The following TRIO variants were observed in gnomAD, a reference collection of about 807,000 sequenced individuals.
TRIO encodes trio Rho guanine nucleotide exchange factor.
In TRIO, 58 loss-of-function variants were observed where a neutral mutation model predicts 351.9. The observed-to-expected ratio is 0.16, with a 90% CI of 0.13 to 0.21. TRIO has a LOEUF of 0.21. Among genes scored for constraint, TRIO ranks in the 10% least tolerant of loss-of-function variants. The pLI, the probability that TRIO is intolerant of heterozygous loss-of-function variation, is 1.00. For missense variants in TRIO, 3,201 were observed against 4,027.8 expected (o/e 0.79, Z 5.56); for synonymous variants, 1,758 against 1,595.7 (o/e 1.10, Z -2.42).
chr5:14,288,632 A>C (rs942391302), intron 4 of TRIO, among the ~76,000 whole-genome samples: 4 of 151,020 alleles, frequency 2.6e-5, no homozygotes, highest in Non-Finnish European at 4.4e-5. Flanking sequence ...GTGCCGCTGC[A>C]CTCCAGCCTG....
chr5:14,240,271 G>A (rs1794048583), intron 1 of TRIO, among the ~76,000 whole-genome samples: 1 of 152,082 alleles, frequency 6.6e-6, no homozygotes, highest in South Asian at 2.1e-4. Context: ...TTCTAAAAAT[G>A]GAGTCAGTTA....
chr5:14,205,084 A>G lies in TRIO; in HGVS notation c.157+61202A>G, dbSNP rs1051898692. 2.6e-5 allele frequency among the ~76,000 whole-genome samples: 4 copies of G among 152,330 alleles called. 1 individual carries two copies. Among genetic ancestry groups the G allele is most frequent in the South Asian group, 4.1e-4 (2 of 4,822 alleles). On this transcript the variant is annotated intron_variant, in intron 1 of 56. Coordinates refer to ENST00000344204, the MANE Select transcript of TRIO (RefSeq NM_007118.4). Reference sequence around the variant, plus strand: ...GGCCAACATTTGTGGTGCAAAGGGAAGTGCCCACGGATTCAGGAGGGCACA... The same window carrying G: ...GGCCAACATTTGTGGTGCAAAGGGAGGTGCCCACGGATTCAGGAGGGCACA...
intron 34 of TRIO, among the ~76,000 whole-genome samples, chr5:14,429,082 C>G (rs1244394291): frequency 6.6e-6 from 1 of 152,162 alleles, no homozygotes; most frequent in Non-Finnish European, 1.5e-5. Flanking sequence ...TGAAAAATTA[C>G]AGAGAGATGA....
In TRIO at chr5:14,507,197, G is replaced by C; in HGVS notation, c.8688G>C (p.Leu2896=). 1.2e-6 allele frequency: 2 copies of C among 1,612,110 alleles called. No individual in the cohort carries two copies. The highest frequency in any genetic ancestry group is 2.2e-5 in the East Asian group (1 of 44,860). ...SLTEGKIRAH[L]GEVLEAVRYL... ...CTGAAGGGAAGATCAGGGCGCACCT[G>C]GGGGAGGTTCTGGAAGCTGTCCGGT... Residue 2896 remains leucine, a synonymous_variant, in exon 56 of 57, where the codon CTG becomes CTC. Transcript: ENST00000344204.
Position 14,297,270 on chromosome 5 carries a change from G to A in TRIO, c.1368+7G>A, listed in dbSNP as rs370815653. On this transcript the variant is annotated splice_region_variant and intron_variant, in intron 7 of 56. Coordinates refer to ENST00000344204, the MANE Select transcript of TRIO (RefSeq NM_007118.4). The stretch of plus-strand genomic sequence containing the variant: ...CCACCAGAAGGCCGAAAAGGTCAGT[G>A]CCTTGAACCCCCAGCCCACGAGGTG... 1.9e-6 allele frequency: 3 copies of A among 1,611,902 alleles called. No individual in the cohort carries two copies. The highest frequency in any genetic ancestry group is 3.3e-5 in the Admixed American group (2 of 59,888).
chr5:14,438,209 C>T (rs1050126355), intron 34 of TRIO, among the ~76,000 whole-genome samples: 5 of 152,216 alleles, frequency 3.3e-5, no homozygotes, highest in Non-Finnish European at 7.3e-5. Flanking sequence ...ACATCTCTCT[C>T]CTTTCTTTGC....
intron 34 of TRIO, among the ~76,000 whole-genome samples, chr5:14,443,527 G>C (rs1181112208): frequency 6.6e-6 from 1 of 152,162 alleles, no homozygotes; most frequent in African/African-American, 2.4e-5. Flanking sequence ...AAATCCCAAA[G>C]TAACTTTACA....
intron 1 of TRIO, among the ~76,000 whole-genome samples, chr5:14,246,132 A>G (rs1033055795): frequency 6.6e-6 from 1 of 152,236 alleles, no homozygotes; most frequent in Non-Finnish European, 1.5e-5. Context: ...AAACAGCTAC[A>G]GTTTCGTTGT....
intron 45 of TRIO, 153 bp downstream of exon 45, chr5:14,481,771 C>CT (rs34046917): frequency 0.042 from 7,885 of 187,910 alleles, 5 homozygotes; most frequent in South Asian, 0.063. Flanking sequence ...ATTTTATTTC[C>CT]TTTTTTTTTT....
chr5:14,199,218 A>AACC (rs1790956446), intron 1 of TRIO, among the ~76,000 whole-genome samples: 1 of 149,514 alleles, frequency 6.7e-6, no homozygotes, highest in East Asian at 2.0e-4. Flanking sequence ...AAAAAAAAAA[A>AACC]ACCTCCCTAA....
chr5:14,390,600 G>C (rs528091460), intron 26 of TRIO: 11 of 531,390 alleles, frequency 2.1e-5, no homozygotes, highest in Non-Finnish European at 2.3e-5. Flanking sequence ...CTAGTCTAGA[G>C]GGGAGGCAGA....
rs555933725 is a variant in TRIO at position 14,294,369 on chromosome 5, TTAAAG to T, written c.1176+1239_1176+1243del. Among the ~76,000 whole-genome samples the T allele has an allele frequency of 1.6e-3, 245 of 152,330 alleles. 1 individual carries two copies. The highest frequency in any genetic ancestry group is 5.6e-3 in the African/African-American group (231 of 41,572). On this transcript the variant is annotated intron_variant, in intron 6 of 56. Coordinates refer to ENST00000344204, the MANE Select transcript of TRIO (RefSeq NM_007118.4). ...CAAAGTTTTACGTCTGTTCTAGAATTTAAAGTAAGAGAATTTCTGGTTCGAATCGT... is the reference window on the plus strand; with the variant it reads ...CAAAGTTTTACGTCTGTTCTAGAATTTAAGAGAATTTCTGGTTCGAATCGT...
intron 9 of TRIO, among the ~76,000 whole-genome samples, chr5:14,323,339 G>A (rs747256142): frequency 6.6e-6 from 1 of 152,138 alleles, no homozygotes; most frequent in Non-Finnish European, 1.5e-5. Context: ...ACCTCTTGGT[G>A]TTTTTTCTGT....
intron 1 of TRIO, among the ~76,000 whole-genome samples, chr5:14,148,046 T>C (rs960331642): frequency 1.3e-5 from 2 of 152,232 alleles, no homozygotes; most frequent in African/African-American, 4.8e-5. Flanking sequence ...AAGTCATCAC[T>C]GAAAGAAGCT....
chr5:14,489,683 A>G (rs1756331379), intron 48 of TRIO, among the ~76,000 whole-genome samples: 1 of 152,242 alleles, frequency 6.6e-6, no homozygotes, highest in Non-Finnish European at 1.5e-5. Flanking sequence ...CTGCTCCAAG[A>G]CAGGAGCCAA....
At chr5:14,148,699 A>C (rs1291245078) in intron 1 of TRIO, among the ~76,000 whole-genome samples, 1 of 152,226 alleles carries the variant, frequency 6.6e-6, no homozygotes, top group African/African-American at 2.4e-5. Context: ...GGAGAATCCC[A>C]GTGTATTCTG....
chr5:14,365,509 T>G (rs1232994165), intron 15 of TRIO, among the ~76,000 whole-genome samples: 1 of 152,102 alleles, frequency 6.6e-6, no homozygotes, highest in African/African-American at 2.4e-5. Context: ...CAGTCAGAAC[T>G]GTTGAAAAGA....
chr5:14,428,627 G>T (rs1323546301), intron 34 of TRIO, among the ~76,000 whole-genome samples: 1 of 152,176 alleles, frequency 6.6e-6, no homozygotes, highest in African/African-American at 2.4e-5. Context: ...CCATTACTCT[G>T]TTGAGTGCTT....
intron 1 of TRIO, among the ~76,000 whole-genome samples, chr5:14,151,903 G>A (rs1490986633): frequency 6.6e-6 from 1 of 152,186 alleles, no homozygotes. Flanking sequence ...GCCAGGGCCT[G>A]CAGGAATAGC....
Sources: allele counts gnomAD v4.1 joint callset (sites outside exome capture counted in the v4.1 genomes callset), GRCh38; gene constraint gnomAD v4.1.1; transcripts MANE v1.5; gene names NCBI Gene and HGNC (gene_info 2026-07-23, HGNC 2026-07-21).